Variants in SIMC1 observed in about 807,000 individuals in gnomAD.
The protein encoded by SIMC1 is SUMO interacting motifs containing 1, also known as SUMO-interacting motif-containing protein 1.
In SIMC1, 55 loss-of-function variants were observed where a neutral mutation model predicts 82.3. That is an observed-to-expected ratio of 0.67 (90% confidence interval 0.54 to 0.84). The LOEUF is 0.84. SIMC1 is among the 40% of genes least tolerant of loss of function. SIMC1 has a pLI of 0.00. For missense variants in SIMC1, 915 were observed against 1,107.2 expected, an observed-to-expected ratio of 0.83 and a Z score of 2.46; for synonymous variants, 353 against 426.3, an observed-to-expected ratio of 0.83 and a Z score of 2.12.
chr5:176,290,345 A>C lies in SIMC1; in HGVS notation c.821A>C (p.Asn274Thr), dbSNP rs749403758. 6.2e-6 allele frequency: 10 copies of C among 1,613,868 alleles called. No homozygotes were observed. The South Asian group carries it at 8.8e-5, about 14-fold the overall frequency. The change falls in exon 2 of 10, where the codon AAT becomes ACT. Residue 274 changes from asparagine to threonine, a missense_variant. Transcript: ENST00000429602. ...PPQEVPCPRQ[N>T]IPGPPQDSLG... is the part of the protein sequence containing the mutation. ...CAAGAAGTGCCATGCCCTCGGCAGA[A>C]TATCCCAGGCCCACCTCAAGACTCT...
intron 1 of SIMC1, among the ~76,000 whole-genome samples, chr5:176,273,855 T>C (rs1385597146): frequency 1.3e-5 from 2 of 152,138 alleles, no homozygotes; most frequent in East Asian, 3.9e-4. Flanking sequence ...TATGGCTGCA[T>C]AGTATTCCAT....
intron 1 of SIMC1, among the ~76,000 whole-genome samples, chr5:176,279,021 A>T (rs747028259): frequency 6.6e-6 from 1 of 152,178 alleles, no homozygotes; most frequent in East Asian, 1.9e-4. Context: ...TTTCAGAAGG[A>T]GTGGTACCAG....
At chr5:176,315,229 G>C (rs1420758320) in intron 5 of SIMC1, among the ~76,000 whole-genome samples, 2 of 152,300 alleles carry the variant, frequency 1.3e-5, no homozygotes, top group South Asian at 4.1e-4. Flanking sequence ...AGGTGAAGGA[G>C]AGCTGGAGTA....
At chr5:176,308,599 A>G in intron 4 of SIMC1, 6 of 1,584,066 alleles carry the variant, frequency 3.8e-6, no homozygotes, top group Non-Finnish European at 5.2e-6. Context: ...ATACAGGCCC[A>G]AAAGAGTTCA....
At chr5:176,263,886 G>A (rs1246993444) in intron 1 of SIMC1, among the ~76,000 whole-genome samples, 1 of 152,170 alleles carries the variant, frequency 6.6e-6, no homozygotes, top group Non-Finnish European at 1.5e-5. Flanking sequence ...TGAAAAGCAA[G>A]TTATTGAATT....
At chr5:176,265,963 G>A (rs1179284149) in intron 1 of SIMC1, among the ~76,000 whole-genome samples, 2 of 152,138 alleles carry the variant, frequency 1.3e-5, no homozygotes, top group Admixed American at 1.3e-4. Context: ...CTCATGATAT[G>A]TGCTATAGTA....
chr5:176,326,815 G>A (rs775945426), intron 7 of SIMC1, among the ~76,000 whole-genome samples: 26 of 151,962 alleles, frequency 1.7e-4, no homozygotes, highest in Non-Finnish European at 2.8e-4. Context: ...TCTGCCCACC[G>A]CAGTCTCCCA....
At chr5:176,308,661 A>C in intron 4 of SIMC1, 12 of 1,569,496 alleles carry the variant, frequency 7.6e-6, no homozygotes, top group Non-Finnish European at 1.1e-5. Flanking sequence ...GCACATCTCC[A>C]TTGAGGGCCA....
At chr5:176,303,996 T>C (rs140933174) in intron 4 of SIMC1, among the ~76,000 whole-genome samples, 38 of 152,202 alleles carry the variant, frequency 2.5e-4, no homozygotes, top group African/African-American at 8.9e-4. Context: ...GATTTGGCAA[T>C]TGATTTCTTG....
At chr5:176,254,057 T>C (rs1330116342) in intron 1 of SIMC1, among the ~76,000 whole-genome samples, 1 of 152,144 alleles carries the variant, frequency 6.6e-6, no homozygotes, top group South Asian at 2.1e-4. Flanking sequence ...AGCACAGAAA[T>C]TTCCTTATCT....
intron 4 of SIMC1, among the ~76,000 whole-genome samples, chr5:176,306,314 A>G (rs1355629572): frequency 7.1e-6 from 1 of 140,734 alleles, no homozygotes; most frequent in Admixed American, 6.9e-5. Context: ...CCGTCCGGCC[A>G]GCCGCCCCAT....
intron 2 of SIMC1, among the ~76,000 whole-genome samples, chr5:176,293,039 T>C (rs1763651461): frequency 6.6e-6 from 1 of 152,200 alleles, no homozygotes; most frequent in Non-Finnish European, 1.5e-5. Flanking sequence ...TGCCATTTGT[T>C]GTATGACAAA....
chr5:176,304,046 G>A, intron 4 of SIMC1, among the ~76,000 whole-genome samples: 1 of 152,132 alleles, frequency 6.6e-6, no homozygotes, highest in South Asian at 2.1e-4. Flanking sequence ...AACAAAAATA[G>A]ACAAATAATA....
chr5:176,275,458 C>T (rs1274784840), intron 1 of SIMC1, among the ~76,000 whole-genome samples: 2 of 151,750 alleles, frequency 1.3e-5, no homozygotes, highest in Admixed American at 1.3e-4. Context: ...ATTGAATACC[C>T]TTTATTTCCT....
At chr5:176,316,802 T>C (rs1236087254) in intron 5 of SIMC1, among the ~76,000 whole-genome samples, 1 of 152,024 alleles carries the variant, frequency 6.6e-6, no homozygotes, top group Non-Finnish European at 1.5e-5. Context: ...GAGACCAGCC[T>C]GGCCTCAAAA....
chr5:176,281,280 A>G lies in SIMC1; in HGVS notation c.130-8374A>G, dbSNP rs1459502896. Among the ~76,000 whole-genome samples, 19 of 152,334 alleles carry G rather than the reference A, an allele frequency of 1.2e-4. No homozygotes were observed. The East Asian group carries it at 2.1e-3, about 17-fold the overall frequency. On this transcript the variant is annotated intron_variant, in intron 1 of 9. Coordinates refer to ENST00000429602, the MANE Select transcript of SIMC1 (RefSeq NM_001308195.2). ...TTCTCGAGCCTTGGCTTTCAGCTCC[A>G]TCAGCTCCTTTAAGCACTTCTCTGT...
At chr5:176,265,113 G>C (rs1327284622) in intron 1 of SIMC1, among the ~76,000 whole-genome samples, 1 of 152,116 alleles carries the variant, frequency 6.6e-6, no homozygotes, top group Non-Finnish European at 1.5e-5. Context: ...AAGATCTCAA[G>C]GAATATACCC....
intron 6 of SIMC1, 181 bp downstream of exon 6, chr5:176,322,606 C>T (rs1421988294): frequency 2.7e-6 from 2 of 729,718 alleles, no homozygotes; most frequent in Non-Finnish European, 4.2e-6. Context: ...AGAACAAAAC[C>T]AGGTGCTTTC....
rs370402298 is a variant in SIMC1 at position 176,249,122 on chromosome 5, G to A, written c.129+10485G>A. ...CAGGATGATGCTGGCCTCATAAAAC[G>A]AGTTAGGGAGGAGTCCCTCATTTTC... On this transcript the variant is annotated intron_variant, in intron 1 of 9. Coordinates refer to ENST00000429602, the MANE Select transcript of SIMC1 (RefSeq NM_001308195.2). Among the ~76,000 whole-genome samples the A allele has an allele frequency of 3.3e-5, 5 of 152,252 alleles. No homozygotes were observed. The East Asian group carries it at 5.8e-4, about 18-fold the overall frequency.
Sources: allele counts gnomAD v4.1 joint callset (sites outside exome capture counted in the v4.1 genomes callset), GRCh38; gene constraint gnomAD v4.1.1; transcripts MANE v1.5; gene names NCBI Gene and HGNC (gene_info 2026-07-23, HGNC 2026-07-21).